The following ADPRHL1 variants were observed in gnomAD, a reference collection of about 807,000 sequenced individuals.
The protein encoded by ADPRHL1 is ADP-ribosylhydrolase like 1.
In ADPRHL1, 43 loss-of-function variants were observed where a neutral mutation model predicts 44.1. The observed-to-expected ratio is 0.98, with a 90% CI of 0.76 to 1.26. ADPRHL1 has a LOEUF of 1.26. ADPRHL1 is among the 50% of genes most tolerant of loss of function. The pLI is 0.00. For synonymous variants in ADPRHL1, 878 were observed against 1,017.4 expected, an observed-to-expected ratio of 0.86 and a Z score of 2.61; for missense variants, 2,022 against 2,496.9, an observed-to-expected ratio of 0.81 and a Z score of 4.05.
At chr13:113,415,702 G>A (rs1422712400) in intron 7 of ADPRHL1, among the ~76,000 whole-genome samples, 4 of 131,544 alleles carry the variant, frequency 3.0e-5, no homozygotes, top group Admixed American at 2.7e-4. Context: ...AGTGAGCTGA[G>A]ATCGTGCCAC....
rs1371824731 is a variant in ADPRHL1 at position 113,453,038 on chromosome 13, G to A, written c.214+186C>T. 3.3e-5 allele frequency among the ~76,000 whole-genome samples: 5 copies of A among 152,204 alleles called. No homozygotes were observed. The highest frequency in any genetic ancestry group is 2.0e-4 in the Admixed American group (3 of 15,278). ...CCCTCAGAGAAACCACAGGAGAAAC[G>A]TGATCTGCCGCATATCAAATTTGAG... On this transcript the variant is annotated intron_variant, in intron 1 of 7. Coordinates refer to ENST00000612156, the MANE Select transcript of ADPRHL1 (RefSeq NM_001394807.1). This position sits in a 1 kb window ranked among gnomAD's most constrained non-coding sequence, Gnocchi z 5.4.
At chr13:113,426,761 C>T (rs146661688) in intron 4 of ADPRHL1, among the ~76,000 whole-genome samples, 11 of 152,334 alleles carry the variant, frequency 7.2e-5, no homozygotes, top group Admixed American at 2.0e-4. Context: ...CCGGGTGGAG[C>T]GTCAACATGG....
In ADPRHL1 at chr13:113,403,332, G is replaced by C. The variant is rs2043776612; in HGVS notation, c.*46C>G. 6 of 1,230,272 alleles carry C rather than the reference G, an allele frequency of 4.9e-6. No individual in the cohort carries two copies. The highest frequency in any genetic ancestry group is 6.1e-6 in the Non-Finnish European group (6 of 986,550). The allele number at this position is 1,230,272 out of a possible 1,614,324, so 76.2% of individuals were successfully genotyped here. A position where few individuals can be genotyped will look rare whatever the true frequency, so the allele number is the denominator to read the frequency against. ...GGAAAATGCCTGAAGTCCCTCAATG[G>C]GCGGATGTCACAGTGCTGGGCGAGC... On this transcript the variant is annotated 3_prime_UTR_variant, in exon 8 of 8. Transcript: ENST00000612156.
chr13:113,451,677 G>A (rs539307467), intron 1 of ADPRHL1, among the ~76,000 whole-genome samples: 118 of 152,142 alleles, frequency 7.8e-4, no homozygotes, highest in African/African-American at 2.7e-3. Flanking sequence ...GCGTGGTGGT[G>A]GGCACCTGTA....
intron 7 of ADPRHL1, among the ~76,000 whole-genome samples, chr13:113,412,704 TGCCCCGG>T (rs2043861629): frequency 7.5e-6 from 1 of 132,528 alleles, no homozygotes; most frequent in African/African-American, 2.8e-5. Flanking sequence ...CCGCCAACAG[TGCCCCGG>T]AGGCTCAGTT....
At chr13:113,447,320 G>A (rs568061662) in intron 1 of ADPRHL1, among the ~76,000 whole-genome samples, 273 of 146,498 alleles carry the variant, frequency 1.9e-3, no homozygotes, top group African/African-American at 6.0e-3. Flanking sequence ...CTACACGCAC[G>A]GTGTTGTGTG....
rs1030830368 is a variant in ADPRHL1, at chr13:113,441,971, C to T, written c.379+2454G>A. 9.2e-5 allele frequency among the ~76,000 whole-genome samples: 14 copies of T among 152,240 alleles called. No individual in the cohort carries two copies. Among genetic ancestry groups the T allele is most frequent in the South Asian group, 2.1e-4 (1 of 4,834 alleles). On this transcript the variant is annotated intron_variant, in intron 2 of 7. Transcript: ENST00000612156. The surrounding 1 kb of genome is among the most constrained non-coding windows in gnomAD (Gnocchi z 6.0). ...ACGTTGTGTCCCGCCACGCGGCGTC[C>T]GCGTCTCTATCACGCTGTGTCCTGT... is the stretch of plus-strand genomic sequence containing the variant.
chr13:113,436,361 C>T (rs2044056249), intron 2 of ADPRHL1, among the ~76,000 whole-genome samples: 1 of 116,360 alleles, frequency 8.6e-6, no homozygotes, highest in Admixed American at 8.8e-5. Context: ...CGGGACCCAG[C>T]ACCCAGGTGT....
intron 2 of ADPRHL1, among the ~76,000 whole-genome samples, chr13:113,434,196 C>G (rs1040438609): frequency 6.6e-6 from 1 of 152,188 alleles, no homozygotes; most frequent in Non-Finnish European, 1.5e-5. Flanking sequence ...CTACATACAA[C>G]AAACTAGGCA....
chr13:113,419,801 A>C (rs1009621792), intron 7 of ADPRHL1, among the ~76,000 whole-genome samples: 2 of 152,244 alleles, frequency 1.3e-5, no homozygotes, highest in Non-Finnish European at 2.9e-5. Flanking sequence ...GAAAACAGCC[A>C]AAAGCAAACC....
chr13:113,407,594 GAGC>G lies in ADPRHL1; in HGVS notation c.1685_1687del (p.Cys562del). ...GTGCAGCCTCAGCGCACTGGCCTCGGAGCACAGGCAGCTGTTCTGCTCGAACTT... is the reference window on the plus strand; with the variant it reads ...GTGCAGCCTCAGCGCACTGGCCTCGGACAGGCAGCTGTTCTGCTCGAACTT... On this transcript the variant is annotated inframe_deletion, in exon 8 of 8. Coordinates refer to ENST00000612156, the MANE Select transcript of ADPRHL1 (RefSeq NM_001394807.1). The G allele has an allele frequency of 2.4e-6, 3 of 1,232,198 alleles. No homozygotes were observed. The highest frequency in any genetic ancestry group is 3.0e-6 in the Non-Finnish European group (3 of 988,082). The allele number at this position is 1,232,198 out of a possible 1,614,324, so 76.3% of individuals were successfully genotyped here. A position where few individuals can be genotyped will look rare whatever the true frequency, so the allele number is the denominator to read the frequency against.
chr13:113,405,106 G>A lies in ADPRHL1; in HGVS notation c.4176C>T (p.Pro1392=), dbSNP rs781068961. ...GCGCCACCCTCTTCCCCGCATCCCC[G>A]GGCTGGGGGGTCTCCTCCTGTGCCT... ...SHQAQEETPQ[P]GDAGKRVAPS... The change falls in exon 8 of 8, where the codon CCC becomes CCT. Residue 1392 remains proline, a synonymous_variant. Coordinates refer to ENST00000612156, the MANE Select transcript of ADPRHL1 (RefSeq NM_001394807.1). The A allele has an allele frequency of 6.9e-5, 85 of 1,232,066 alleles. No individual in the cohort carries two copies. The highest frequency in any genetic ancestry group is 1.3e-4 in the Admixed American group (3 of 23,708). 76.3% of individuals were successfully genotyped at this position (1,232,066 alleles called of 1,614,324 possible).
At chr13:113,439,637 A>G (rs192062170) in intron 2 of ADPRHL1, among the ~76,000 whole-genome samples, 149 of 148,728 alleles carry the variant, frequency 1.0e-3, no homozygotes, top group African/African-American at 3.3e-3. Flanking sequence ...TAGTAGAGAC[A>G]GGGTTTTGCC....
At chr13:113,414,125 C>A (rs2043874859) in intron 7 of ADPRHL1, among the ~76,000 whole-genome samples, 1 of 152,232 alleles carries the variant, frequency 6.6e-6, no homozygotes, top group South Asian at 2.1e-4. Context: ...CCGCAGTTTC[C>A]TCCTCTGAGA....
rs1329188574 is a variant in ADPRHL1 at position 113,405,552 on chromosome 13, C to T, written c.3730G>A (p.Gly1244Ser). The change falls in exon 8 of 8, where the codon GGC becomes AGC. Residue 1244 changes from glycine (G) to serine (S), a missense_variant. Physicochemically the swap from Gly to Ser is moderately conservative, Grantham distance 56. Around this residue, in one of 8 missense-constraint regions of ADPRHL1, gnomAD observed 1,221 missense variants for 1,517.8 expected, o/e 0.80. Transcript: ENST00000612156. ...AASRHTAAVG[G>S]RKDVAVEGNL... ...CCTTCCACAGCCACATCCTTTCTGC[C>T]TCCTACAGCTGCTGTATGTCTGCTG... 8.1e-7 allele frequency: 1 copy of T among 1,232,126 alleles called. No homozygotes were observed. The highest frequency in any genetic ancestry group is 1.6e-5 in the African/African-American group (1 of 64,450). The allele number at this position is 1,232,126 out of a possible 1,614,324, so 76.3% of individuals were successfully genotyped here. A position where few individuals can be genotyped will look rare whatever the true frequency, so the allele number is the denominator to read the frequency against.
Position 113,405,304 on chromosome 13 carries a change from C to T in ADPRHL1, c.3978G>A (p.Trp1326Ter). 8.1e-7 allele frequency: 1 copy of T among 1,231,896 alleles called. No individual in the cohort carries two copies. Among genetic ancestry groups the T allele is most frequent in the Non-Finnish European group, 1.0e-6 (1 of 988,120 alleles). The allele number at this position is 1,231,896 out of a possible 1,614,324, so 76.3% of individuals were successfully genotyped here. Residue 1326 changes from tryptophan to a stop codon, truncating the protein, a stop_gained, in exon 8 of 8, where the codon TGG (tryptophan) becomes TGA (stop). Transcript: ENST00000612156. LOFTEE classifies it low-confidence loss of function (END_TRUNC). ...AVPPAEVDMGWVGGTHQRGPP... is the reference protein window; with the variant it reads ...AVPPAEVDMG ...GGCCCCGCTGGTGGGTGCCACCTAC[C>T]CACCCCATGTCCACCTCCGCGGGAG... is the stretch of plus-strand genomic sequence containing the variant.
chr13:113,408,866 A>AGGAGGGGGGCTGCAGAGAGGAC (rs1463649962), intron 7 of ADPRHL1, among the ~76,000 whole-genome samples: 2 of 94,944 alleles, frequency 2.1e-5, no homozygotes, highest in Admixed American at 9.1e-5. Flanking sequence ...GCAGAGAGGA[A>AGGAGGGGGGCTGCAGAGAGGAC]GGGAGGAGGG....
chr13:113,431,773 T>G (rs1467457619), intron 3 of ADPRHL1, among the ~76,000 whole-genome samples: 2 of 152,172 alleles, frequency 1.3e-5, no homozygotes, highest in African/African-American at 2.4e-5. Context: ...TGGAGTGCAG[T>G]GGTGTGATCT....
intron 7 of ADPRHL1, among the ~76,000 whole-genome samples, chr13:113,412,339 G>A (rs1034141435): frequency 3.9e-4 from 59 of 152,226 alleles, no homozygotes; most frequent in Admixed American, 7.9e-4. Flanking sequence ...CACCACGCCC[G>A]GCTAATTTTT....
Sources: gnomAD v4.1 joint callset for allele counts (sites outside exome capture counted in the v4.1 genomes callset) on GRCh38, gnomAD v4.1.1 for gene constraint, gnomAD v4.1.1 regional missense constraint, Gnocchi (gnomAD v3.1) non-coding constraint, MANE v1.5 for transcripts, NCBI Gene and HGNC (gene_info 2026-07-23, HGNC 2026-07-21) for gene names.